Variants in SND1 observed in about 807,000 individuals in gnomAD.
SND1 encodes staphylococcal nuclease and tudor domain containing 1.
A neutral mutation model predicts 121.7 loss-of-function variants in SND1; 38 were observed. The observed-to-expected ratio is 0.31, with a 90% CI of 0.24 to 0.41. The LOEUF is 0.41. Ranked by LOEUF, SND1 falls within the 10% of genes least tolerant of loss-of-function variation. The pLI, the probability that SND1 is intolerant of heterozygous loss-of-function variation, is 1.00. For synonymous variants in SND1, 401 were observed against 447.4 expected (o/e 0.90, Z 1.31); for missense variants, 868 against 1,184.6 (o/e 0.73, Z 3.92).
chr7:128,076,999 G>T (rs919615660), intron 17 of SND1, among the ~76,000 whole-genome samples: 3 of 152,170 alleles, frequency 2.0e-5, no homozygotes, highest in Non-Finnish European at 2.9e-5. Context: ...GCCCTGGGCA[G>T]ACCTGAGGAC....
At chr7:128,056,155 A>G (rs531607117) in intron 16 of SND1, among the ~76,000 whole-genome samples, 31 of 152,256 alleles carry the variant, frequency 2.0e-4, no homozygotes, top group Non-Finnish European at 3.2e-4. Flanking sequence ...CAGATACTCA[A>G]TAAGTGTTAA....
chr7:127,746,880 T>TGCTA (rs1478275622), intron 10 of SND1, among the ~76,000 whole-genome samples: 1 of 152,208 alleles, frequency 6.6e-6, no homozygotes, highest in African/African-American at 2.4e-5. Flanking sequence ...TAAGTAAGGC[T>TGCTA]GCTAGCATTC....
chr7:127,989,852 A>G (rs1449651402), intron 15 of SND1, among the ~76,000 whole-genome samples: 3 of 152,246 alleles, frequency 2.0e-5, no homozygotes, highest in African/African-American at 7.2e-5. Context: ...CAGATATCAA[A>G]ATGTAGCATA....
intron 16 of SND1, among the ~76,000 whole-genome samples, chr7:128,013,512 C>T (rs530504996): frequency 7.2e-5 from 11 of 152,198 alleles, no homozygotes; most frequent in Non-Finnish European, 1.6e-4. Context: ...AATTATGAAC[C>T]TAAACTGTGA....
chr7:127,796,890 C>CT (rs36078891), intron 10 of SND1, among the ~76,000 whole-genome samples: 27,271 of 102,174 alleles, frequency 0.27, 4,230 homozygotes, highest in East Asian at 0.62. Context: ...TTTCCTGAGT[C>CT]TTTTTTTTTT....
chr7:127,921,807 A>G (rs955647767), intron 14 of SND1, among the ~76,000 whole-genome samples: 4 of 152,214 alleles, frequency 2.6e-5, no homozygotes, highest in African/African-American at 7.2e-5. Context: ...TCAGAATGTC[A>G]TACAAATGCA....
At chr7:127,751,746 T>G (rs749428530) in intron 10 of SND1, among the ~76,000 whole-genome samples, 14 of 152,234 alleles carry the variant, frequency 9.2e-5, no homozygotes, top group Non-Finnish European at 1.9e-4. Flanking sequence ...CCTTGCAGTT[T>G]TGCAAGACAG....
intron 13 of SND1, among the ~76,000 whole-genome samples, chr7:127,896,030 G>T (rs1303872447): frequency 6.6e-6 from 1 of 152,050 alleles, no homozygotes; most frequent in South Asian, 2.1e-4. Context: ...GCAGATCATG[G>T]GTGGATGATT....
chr7:128,074,525 G>T lies in SND1; in HGVS notation c.1803G>T (p.Met601Ile). The T allele has an allele frequency of 6.2e-7, 1 of 1,613,186 alleles. No homozygotes were observed. Among genetic ancestry groups the T allele is most frequent in the Non-Finnish European group, 8.5e-7 (1 of 1,179,426 alleles). ...QREVEVEVES[M>I]DKAGNFIGWL... ...AGGTGGAGGTGGAGGTGGAGAGCAT[G>T]GACAAGGCCGGCAACTTTATCGGCT... Residue 601 changes from methionine to isoleucine, a missense_variant, in exon 17 of 24, where the codon ATG becomes ATT. This residue lies in a region of SND1 where 743 missense variants were observed against 1,071.3 expected (regional missense o/e 0.69). Coordinates refer to ENST00000354725, the MANE Select transcript of SND1 (RefSeq NM_014390.4).
chr7:127,747,466 C>T lies in SND1; in HGVS notation c.1152+26066C>T, dbSNP rs73457818. Among the ~76,000 whole-genome samples, 498 of 152,274 alleles carry T rather than the reference C, an allele frequency of 3.3e-3. 2 individuals are homozygous for T. Among genetic ancestry groups the T allele is most frequent in the African/African-American group, 0.011 (439 of 41,560 alleles). On this transcript the variant is annotated intron_variant, in intron 10 of 23. Transcript: ENST00000354725. ...GAATTGGCATTGGGTATTGAAGGAC[C>T]TTTCTGTGAGGATGAGTTCTCTGGA...
chr7:127,685,435 TGA>T (rs1795795678), intron 1 of SND1, among the ~76,000 whole-genome samples: 1 of 152,248 alleles, frequency 6.6e-6, no homozygotes, highest in African/African-American at 2.4e-5. Context: ...AGCGTGGAAT[TGA>T]GAGTCTTTCA....
Position 127,694,877 on chromosome 7 carries a change from AG to A in SND1, c.280del (p.Glu94LysfsTer6). ...REFLRKKLIG[K>X]EVCFTIENKT... ...TTCCTTCGAAAGAAGCTGATTGGGA[AG>A]GAAGTCTGTTTCACGATAGAAAACA... On this transcript the variant is annotated frameshift_variant, in exon 3 of 24. Transcript: ENST00000354725. LOFTEE classifies it high-confidence loss of function. 1 of 1,614,034 alleles carries A rather than the reference AG, an allele frequency of 6.2e-7. No homozygotes were observed. The highest frequency in any genetic ancestry group is 8.5e-7 in the Non-Finnish European group (1 of 1,179,906).
intron 8 of SND1, among the ~76,000 whole-genome samples, chr7:127,705,708 A>G (rs953890172): frequency 6.6e-6 from 1 of 152,132 alleles, no homozygotes; most frequent in Non-Finnish European, 1.5e-5. Flanking sequence ...ATGAATGGAA[A>G]TGATGCTCGG....
chr7:127,679,481 T>C (rs1415945333), intron 1 of SND1, among the ~76,000 whole-genome samples: 7 of 152,226 alleles, frequency 4.6e-5, no homozygotes, highest in Non-Finnish European at 1.0e-4. Flanking sequence ...TTGACACTTT[T>C]AAAGTATATA....
At chr7:128,075,472 C>A (rs977453010) in intron 17 of SND1, among the ~76,000 whole-genome samples, 5 of 152,220 alleles carry the variant, frequency 3.3e-5, no homozygotes, top group Non-Finnish European at 7.3e-5. Flanking sequence ...CTTCCCAGAG[C>A]TAAGGCCCGG....
At chr7:127,991,952 G>A (rs1043859786) in intron 16 of SND1, among the ~76,000 whole-genome samples, 6 of 152,180 alleles carry the variant, frequency 3.9e-5, no homozygotes, top group African/African-American at 1.2e-4. Flanking sequence ...ACGCCACTCC[G>A]AGATGCTTAT....
At chr7:127,738,301 T>TTG (rs1562996082) in intron 10 of SND1, among the ~76,000 whole-genome samples, 4 of 149,774 alleles carry the variant, frequency 2.7e-5, no homozygotes, top group Non-Finnish European at 5.9e-5. Context: ...TTTTTTTTTT[T>TTG]GAGATGGAGT....
At chr7:127,899,152 G>A (rs763019228) in intron 13 of SND1, among the ~76,000 whole-genome samples, 1 of 152,086 alleles carries the variant, frequency 6.6e-6, no homozygotes, top group Non-Finnish European at 1.5e-5. Context: ...AAGATTAAGG[G>A]CAGAATACTA....
Position 127,652,373 on chromosome 7 carries a change from C to T in SND1, c.-1C>T. 1.3e-6 allele frequency: 2 copies of T among 1,595,860 alleles called. No individual in the cohort carries two copies. The highest frequency in any genetic ancestry group is 1.3e-5 in the African/African-American group (1 of 74,912). ...CACTCGTTGCCTTTGCATCTCCACA[C>T]ATGGCGTCCTCCGCGCAGAGCGGCG... On this transcript the variant is annotated 5_prime_UTR_variant, in exon 1 of 24. Transcript: ENST00000354725.
Sources: gnomAD v4.1 joint callset for allele counts (sites outside exome capture counted in the v4.1 genomes callset) on GRCh38, gnomAD v4.1.1 for gene constraint, gnomAD v4.1.1 regional missense constraint, MANE v1.5 for transcripts, NCBI Gene and HGNC (gene_info 2026-07-23, HGNC 2026-07-21) for gene names.